The following MTA1 variants were observed in gnomAD, a reference collection of about 807,000 sequenced individuals.
The protein encoded by MTA1 is metastasis-associated protein MTA1.
In MTA1, 15 loss-of-function variants were observed where a neutral mutation model predicts 97.0. The observed-to-expected ratio is 0.15, with a 90% confidence interval of 0.10 to 0.24. The LOEUF is 0.24. MTA1 is among the 10% of genes least tolerant of loss of function. The pLI, the probability that MTA1 is intolerant of heterozygous loss-of-function variation, is 1.00. For synonymous variants in MTA1, 435 were observed against 417.5 expected (o/e 1.04, Z -0.51); for missense variants, 709 against 1,015.1 (o/e 0.70, Z 4.10).
chr14:105,449,292 C>T (rs1441031167), intron 3 of MTA1, 67 bp from the exon 4 acceptor site: 9 of 1,535,990 alleles, frequency 5.9e-6, no homozygotes, highest in South Asian at 2.4e-5. Context: ...GGTCCGGGCC[C>T]TGGGCAGGGA....
At chr14:105,433,522 CCT>C (rs1555423806) in intron 1 of MTA1, among the ~76,000 whole-genome samples, 3 of 152,176 alleles carry the variant, frequency 2.0e-5, no homozygotes, top group African/African-American at 7.2e-5. Context: ...AAGGGTCAGA[CCT>C]CTCTGGAAGG....
chr14:105,428,626 A>G (rs1377652495), intron 1 of MTA1, among the ~76,000 whole-genome samples: 1 of 152,044 alleles, frequency 6.6e-6, no homozygotes, highest in Non-Finnish European at 1.5e-5. Flanking sequence ...CTCATTTTCA[A>G]AATTGTTTAG....
intron 2 of MTA1, among the ~76,000 whole-genome samples, chr14:105,439,933 G>C (rs1179869420): frequency 6.6e-6 from 1 of 152,190 alleles, no homozygotes; most frequent in East Asian, 1.9e-4. Flanking sequence ...GCGGGGGGAA[G>C]GTTAGCGCGC....
intron 18 of MTA1, chr14:105,467,642 T>A (rs2083652505): frequency 2.7e-6 from 1 of 372,788 alleles, no homozygotes. Context: ...CTTGGCGGTG[T>A]CTGTGTCTCG....
intron 3 of MTA1, 60 bp downstream of exon 3, chr14:105,445,571 C>T (rs927204826): frequency 8.3e-6 from 13 of 1,562,708 alleles, no homozygotes; most frequent in African/African-American, 1.4e-5. Flanking sequence ...GGAGGGCTGG[C>T]GGGGTCCTTC....
intron 3 of MTA1, among the ~76,000 whole-genome samples, chr14:105,446,637 T>C (rs2082727455): frequency 1.3e-5 from 2 of 152,242 alleles, no homozygotes; most frequent in Non-Finnish European, 2.9e-5. Flanking sequence ...GAGCCTTTGC[T>C]GGGAGTCGGC....
Position 105,449,254 on chromosome 14 carries a change from T to C in MTA1, c.191-105T>C, listed in dbSNP as rs2082829455. On this transcript the variant is annotated intron_variant, in intron 3 of 20. Coordinates refer to ENST00000331320, the MANE Select transcript of MTA1 (RefSeq NM_004689.4). The stretch of plus-strand genomic sequence containing the variant: ...ACCGGGAGGCCTGCGGCCCCCGTTC[T>C]GCCCTGCCCCCTGGCGGCACAGCCC... The C allele has an allele frequency of 3.3e-6, 4 of 1,220,552 alleles. No individual in the cohort carries two copies. The South Asian group carries it at 4.5e-5, about 14-fold the overall frequency. 75.6% of individuals were successfully genotyped at this position (1,220,552 alleles called of 1,614,324 possible).
At chr14:105,445,832 T>C (rs2082700876) in intron 3 of MTA1, 2 of 418,588 alleles carry the variant, frequency 4.8e-6, no homozygotes. Context: ...CTATGATGAC[T>C]TCTGGAGACT....
intron 3 of MTA1, 181 bp downstream of exon 3, chr14:105,445,692 T>C: frequency 1.4e-6 from 1 of 726,280 alleles, no homozygotes; most frequent in Non-Finnish European, 2.5e-6. Flanking sequence ...TGGCTCCGTT[T>C]CCTCGGGGGC....
intron 13 of MTA1, 78 bp from the exon 14 acceptor site, chr14:105,464,323 GGTGGGGGCGGCCGGC>G: frequency 2.0e-6 from 3 of 1,526,286 alleles, no homozygotes; most frequent in East Asian, 2.3e-5. Flanking sequence ...GTGCCTGGCG[GGTGGGGGCGGCCGGC>G]GTGGGGGTGG....
intron 18 of MTA1, among the ~76,000 whole-genome samples, chr14:105,468,516 C>A (rs1225887466): frequency 1.3e-5 from 2 of 152,194 alleles, no homozygotes; most frequent in Admixed American, 6.5e-5. Context: ...AAAGGCTGAC[C>A]CAGGGCTCCA....
rs1555430385 is a variant in MTA1, at chr14:105,458,372, G to A, written c.653G>A (p.Arg218His). The A allele has an allele frequency of 6.2e-7, 1 of 1,612,234 alleles. No homozygotes were observed. Among genetic ancestry groups the A allele is most frequent in the Non-Finnish European group, 8.5e-7 (1 of 1,179,624 alleles). ...KQIDQFLVVA[R>H]SVGTFARALD... ...ATCGACCAGTTCCTGGTGGTGGCCC[G>A]GTGAGTCCTGCTCCTGGGCAAGGCC... Residue 218 changes from arginine to histidine, a missense_variant and splice_region_variant, in exon 8 of 21, where the codon CGC becomes CAC. Physicochemically the swap from Arg to His is conservative, Grantham distance 29. Coordinates refer to ENST00000331320, the MANE Select transcript of MTA1 (RefSeq NM_004689.4).
chr14:105,437,820 C>T (rs2082379247), intron 1 of MTA1, among the ~76,000 whole-genome samples: 1 of 152,208 alleles, frequency 6.6e-6, no homozygotes, highest in Admixed American at 6.5e-5. Flanking sequence ...CCAAGCTGAG[C>T]CCCTGCGGTG....
chr14:105,466,427 G>GGGGGC lies in MTA1; in HGVS notation c.1626_1627insGGGGC (p.Thr543GlyfsTer13). 2 of 1,592,090 alleles carry GGGGGC rather than the reference G, an allele frequency of 1.3e-6. No individual in the cohort carries two copies. The highest frequency in any genetic ancestry group is 1.7e-6 in the Non-Finnish European group (2 of 1,165,306). On this transcript the variant is annotated frameshift_variant and splice_region_variant, in exon 17 of 21. Coordinates refer to ENST00000331320, the MANE Select transcript of MTA1 (RefSeq NM_004689.4). LOFTEE classifies it high-confidence loss of function. ...TTCTGCCTGTGTCATTCCCGGCAGA[G>GGGGGC]ACCCACCCCCGCCCCCCCAAGCCTG...
rs782151806 is a variant in MTA1 at position 105,465,100 on chromosome 14, C to T, written c.1541C>T (p.Ala514Val). The T allele has an allele frequency of 5.9e-6, 9 of 1,513,730 alleles. No homozygotes were observed. In the Admixed American group the frequency reaches 6.0e-5, roughly 10 times the overall value. 93.8% of individuals were successfully genotyped at this position (1,513,730 alleles called of 1,614,324 possible). The change falls in exon 16 of 21, where the codon GCG (alanine) becomes GTG (valine). Residue 514 changes from alanine (A) to valine (V), a missense_variant. By Grantham distance (64) the Ala-to-Val change is moderately conservative. Transcript: ENST00000331320. Reference protein sequence around the residue: ...NSAAIKAECTARLPEASQSPL... With the variant: ...NSAAIKAECTVRLPEASQSPL... ...ACCGTGTGGTACCCCGCAGGCACGG[C>T]GCGGCTGCCCGAAGCCTCCCAGAGC...
At chr14:105,456,679 C>T (rs1337202175) in intron 7 of MTA1, among the ~76,000 whole-genome samples, 1 of 152,238 alleles carries the variant, frequency 6.6e-6, no homozygotes, top group East Asian at 1.9e-4. Flanking sequence ...GTGCGACCAT[C>T]ATGACCAGCA....
intron 1 of MTA1, among the ~76,000 whole-genome samples, chr14:105,426,357 G>A (rs1374947272): frequency 7.4e-6 from 1 of 135,114 alleles, no homozygotes; most frequent in African/African-American, 2.7e-5. Flanking sequence ...CTGGGTGACA[G>A]AGCGAGACTT....
rs1567047554 is a variant in MTA1, at chr14:105,466,589, C to T, written c.1777+11C>T. ...ACAACGGGGTGGACGGTGAGTGGCC[C>T]CCCCGCCCGGTGAGTGTGGCCCTCC... is the stretch of plus-strand genomic sequence containing the variant. On this transcript the variant is annotated intron_variant, in intron 17 of 20. Coordinates refer to ENST00000331320, the MANE Select transcript of MTA1 (RefSeq NM_004689.4). The T allele has an allele frequency of 1.9e-6, 3 of 1,567,230 alleles. No homozygotes were observed. The highest frequency in any genetic ancestry group is 2.3e-5 in the South Asian group (2 of 85,506).
chr14:105,464,166 CG>C lies in MTA1; in HGVS notation c.1192+24del, dbSNP rs1555431830. On this transcript the variant is annotated intron_variant, in intron 13 of 20. Transcript: ENST00000331320. ...TGTTACAGTAAGTGCCCTGGATGGC[CG>C]GGGGCACACCGCACGCCCGCCTGTG... 4 of 1,600,272 alleles carry C rather than the reference CG, an allele frequency of 2.5e-6. No individual in the cohort carries two copies. Among genetic ancestry groups the C allele is most frequent in the Admixed American group, 1.7e-5 (1 of 57,404 alleles).
Sources: gnomAD v4.1 joint callset for allele counts (sites outside exome capture counted in the v4.1 genomes callset) on GRCh38, gnomAD v4.1.1 for gene constraint, MANE v1.5 for transcripts, NCBI Gene and HGNC (gene_info 2026-07-23, HGNC 2026-07-21) for gene names.